Variants in DPP6 observed in about 807,000 individuals in gnomAD.
DPP6 encodes dipeptidyl peptidase like 6.
In DPP6, 69 loss-of-function variants were observed where a neutral mutation model predicts 122.6. The observed-to-expected ratio is 0.56, with a 90% CI of 0.46 to 0.69. The LOEUF is 0.69. Among genes scored for constraint, DPP6 ranks in the 30% least tolerant of loss-of-function variants. The probability of loss-of-function intolerance (pLI) is 0.00; values close to 1 mark genes in which losing one functional copy is unlikely to be tolerated. For synonymous variants in DPP6, 418 were observed against 433.1 expected (o/e 0.97, Z 0.43); for missense variants, 928 against 1,116.9 (o/e 0.83, Z 2.41).
chr7:153,871,456 C>T, the DPP6 span, among the ~76,000 whole-genome samples: 6 of 152,182 alleles, frequency 3.9e-5, no homozygotes, highest in Admixed American at 1.3e-4. Flanking sequence ...GAGCCAAGTG[C>T]GGGATATAAT....
intron 7 of DPP6, among the ~76,000 whole-genome samples, chr7:154,684,690 A>T (rs900929166): frequency 6.6e-6 from 1 of 152,178 alleles, no homozygotes; most frequent in African/African-American, 2.4e-5. Context: ...ACCAGTTTCT[A>T]GTTACCCTTC....
At chr7:154,018,220 A>C (rs906723872) in intron 1 of DPP6, among the ~76,000 whole-genome samples, 2 of 151,848 alleles carry the variant, frequency 1.3e-5, no homozygotes, top group African/African-American at 4.8e-5. Context: ...TTTCTTTGGA[A>C]TTGATCATGA....
the DPP6 span, among the ~76,000 whole-genome samples, chr7:153,768,763 G>A: frequency 6.6e-6 from 1 of 152,132 alleles, no homozygotes; most frequent in Admixed American, 6.6e-5. Flanking sequence ...ATGCATTGCA[G>A]TGTATTTACC....
chr7:154,842,237 G>T (rs1584867652), intron 16 of DPP6, among the ~76,000 whole-genome samples: 1 of 152,232 alleles, frequency 6.6e-6, no homozygotes, highest in Non-Finnish European at 1.5e-5. Flanking sequence ...AGTGGTGCCA[G>T]CCAGGCTGTT....
At chr7:154,473,045 G>C (rs2035847) in intron 2 of DPP6, among the ~76,000 whole-genome samples, 26,195 of 152,090 alleles carry the variant, frequency 0.17, 2,556 homozygotes, top group African/African-American at 0.25. Flanking sequence ...GAGGCACATA[G>C]ATACCTTAAG....
intron 1 of DPP6, among the ~76,000 whole-genome samples, chr7:154,307,710 A>G (rs1806478397): frequency 6.6e-6 from 1 of 152,160 alleles, no homozygotes; most frequent in African/African-American, 2.4e-5. Flanking sequence ...GAAAGGTATT[A>G]AAACTATGCT....
chr7:154,869,433 C>G (rs1373404282), intron 18 of DPP6, among the ~76,000 whole-genome samples: 1 of 152,256 alleles, frequency 6.6e-6, no homozygotes, highest in Non-Finnish European at 1.5e-5. Flanking sequence ...GAGCATGAGA[C>G]TGGGCTGGGG....
intron 1 of DPP6, among the ~76,000 whole-genome samples, chr7:153,905,495 G>C (rs879471407): frequency 6.6e-6 from 1 of 152,036 alleles, no homozygotes; most frequent in African/African-American, 2.4e-5. Flanking sequence ...GTTTCGAAGC[G>C]AATGACTCAG....
intron 1 of DPP6, among the ~76,000 whole-genome samples, chr7:153,958,337 C>T (rs554910959): frequency 2.0e-5 from 3 of 152,230 alleles, no homozygotes; most frequent in Admixed American, 6.5e-5. Flanking sequence ...TGTCCTGAAG[C>T]GTTGCCTCAT....
At chr7:154,853,218 C>T (rs1163011552) in intron 16 of DPP6, among the ~76,000 whole-genome samples, 1 of 152,234 alleles carries the variant, frequency 6.6e-6, no homozygotes, top group East Asian at 1.9e-4. Context: ...CCTTCCTTCT[C>T]ACTTCTCAGG....
intron 5 of DPP6, among the ~76,000 whole-genome samples, chr7:154,597,106 A>G (rs1309781697): frequency 6.6e-6 from 1 of 152,072 alleles, no homozygotes. Context: ...GACCTGTTGC[A>G]GGCCCTGAAA....
At chr7:154,725,122 C>G (rs1018585031) in intron 7 of DPP6, among the ~76,000 whole-genome samples, 1 of 152,076 alleles carries the variant, frequency 6.6e-6, no homozygotes, top group African/African-American at 2.4e-5. Context: ...TTGGAGTTCT[C>G]GCCTATTTAC....
intron 1 of DPP6, among the ~76,000 whole-genome samples, chr7:154,444,414 G>A (rs1006755712): frequency 2.0e-5 from 3 of 151,994 alleles, no homozygotes; most frequent in South Asian, 2.1e-4. Context: ...GCAGTGAGCC[G>A]AGATCGCACC....
chr7:154,583,154 T>C (rs1399332003), intron 5 of DPP6, among the ~76,000 whole-genome samples: 1 of 152,234 alleles, frequency 6.6e-6, no homozygotes, highest in Non-Finnish European at 1.5e-5. Flanking sequence ...GTGCCTGTTT[T>C]AGGCTGCCTG....
the DPP6 span, among the ~76,000 whole-genome samples, chr7:153,769,757 A>G: frequency 6.6e-6 from 1 of 152,210 alleles, no homozygotes; most frequent in East Asian, 1.9e-4. Context: ...TCCACTAAAG[A>G]GAAGATATTG....
intron 21 of DPP6, chr7:154,884,322 G>A (rs1563325041): frequency 7.5e-6 from 1 of 132,490 alleles, no homozygotes; most frequent in Non-Finnish European, 1.6e-5. Context: ...ACACACACAT[G>A]CTCACACAAT....
chr7:153,951,701 A>G (rs1457806197), intron 1 of DPP6, among the ~76,000 whole-genome samples: 2 of 152,114 alleles, frequency 1.3e-5, no homozygotes, highest in Non-Finnish European at 2.9e-5. Flanking sequence ...AAACACAAGA[A>G]GTTTTCCCTT....
chr7:154,687,568 G>C (rs944680170), intron 7 of DPP6, among the ~76,000 whole-genome samples: 1 of 151,808 alleles, frequency 6.6e-6, no homozygotes, highest in Non-Finnish European at 1.5e-5. Flanking sequence ...TTATTGATGC[G>C]CATCATTTCT....
intron 1 of DPP6, among the ~76,000 whole-genome samples, chr7:154,101,701 G>A (rs1484980839): frequency 6.6e-6 from 1 of 151,746 alleles, no homozygotes; most frequent in Admixed American, 6.6e-5. Flanking sequence ...GCTGAGGCGG[G>A]CGGATCACCT....
Sources: gnomAD v4.1 joint callset for allele counts (sites outside exome capture counted in the v4.1 genomes callset) on GRCh38, gnomAD v4.1.1 for gene constraint, MANE v1.5 for transcripts, NCBI Gene and HGNC (gene_info 2026-07-23, HGNC 2026-07-21) for gene names.